Variants in CCPG1 observed in about 807,000 individuals in gnomAD.
CCPG1 encodes cell cycle progression protein 1.
CCPG1 carries 46 observed loss-of-function variants against 81.3 expected under a neutral mutation model. That is an observed-to-expected ratio of 0.57 (90% CI 0.45 to 0.72). The LOEUF is 0.72. Ranked by LOEUF, CCPG1 falls within the 30% of genes least tolerant of loss-of-function variation. The pLI is 0.00. For missense variants in CCPG1, 902 were observed against 937.6 expected (o/e 0.96, Z 0.50); for synonymous variants, 330 against 305.2 (o/e 1.08, Z -0.85).
At chr15:55,373,038 C>T (rs752749266) in intron 5 of CCPG1, 15 of 534,120 alleles carry the variant, frequency 2.8e-5, no homozygotes, top group Non-Finnish European at 4.2e-5. Flanking sequence ...CAGCTATCTC[C>T]GATATTAAGG....
chr15:55,387,830 G>C (rs1367806306), intron 2 of CCPG1, among the ~76,000 whole-genome samples: 6 of 146,224 alleles, frequency 4.1e-5, no homozygotes, highest in Admixed American at 2.0e-4. Flanking sequence ...ACAGGCGTGA[G>C]CACCACGCCC....
intron 1 of CCPG1, among the ~76,000 whole-genome samples, chr15:55,392,566 G>T (rs1322324458): frequency 6.6e-6 from 1 of 151,802 alleles, no homozygotes; most frequent in Non-Finnish European, 1.5e-5. Context: ...TGTCACCCAG[G>T]CTGGAGGGCA....
At chr15:55,400,231 C>G (rs1448249904) in intron 1 of CCPG1, among the ~76,000 whole-genome samples, 1 of 109,298 alleles carries the variant, frequency 9.1e-6, no homozygotes. Context: ...AAAAAAAAGG[C>G]CAGGGGTGGT....
At chr15:55,371,692 C>A (rs1034293483) in intron 6 of CCPG1, 101 bp downstream of exon 6, 24 of 1,219,442 alleles carry the variant, frequency 2.0e-5, no homozygotes, top group South Asian at 1.1e-4. Context: ...CAAGGCCACA[C>A]ATTTAATAAT....
At chr15:55,363,123 A>C (rs2056239593) in intron 7 of CCPG1, among the ~76,000 whole-genome samples, 1 of 151,998 alleles carries the variant, frequency 6.6e-6, no homozygotes, top group South Asian at 2.1e-4. Flanking sequence ...CGAGGCAGGC[A>C]GATTACCTGA....
Position 55,378,329 on chromosome 15 carries a change from C to T in CCPG1, c.223G>A (p.Ala75Thr), listed in dbSNP as rs376119446. 3.5e-4 allele frequency: 569 copies of T among 1,611,618 alleles called. No homozygotes were observed. Among genetic ancestry groups the T allele is most frequent in the Non-Finnish European group, 4.6e-4 (545 of 1,178,660 alleles). Residue 75 changes from alanine to threonine, a missense_variant, in exon 4 of 9, where the codon GCT becomes ACT. Coordinates refer to ENST00000442196, the MANE Select transcript of CCPG1 (RefSeq NM_001204450.2). Reference sequence around the variant, plus strand: ...ATTGTTGAGCTGGTTTCCTCCAAAGCTGGATAAGCAGTTTCTTCCATAAGC... The same window carrying T: ...ATTGTTGAGCTGGTTTCCTCCAAAGTTGGATAAGCAGTTTCTTCCATAAGC... ...TVLMEETAYP[A>T]LEETSSTIEA...
intron 1 of CCPG1, among the ~76,000 whole-genome samples, chr15:55,399,417 CAAAAAA>C (rs56191750): frequency 1.1e-4 from 7 of 63,144 alleles, no homozygotes; most frequent in African/African-American, 1.4e-4. Flanking sequence ...ACTAAAAATA[CAAAAAA>C]AAAAAAAAAA....
chr15:55,373,157 A>G (rs1038582401), intron 5 of CCPG1: 1 of 409,296 alleles, frequency 2.4e-6, no homozygotes, highest in African/African-American at 2.1e-5. Context: ...CCTGGAAAAA[A>G]TCACCTTCAG....
intron 6 of CCPG1, among the ~76,000 whole-genome samples, chr15:55,371,463 G>A (rs970673264): frequency 6.6e-6 from 1 of 152,136 alleles, no homozygotes; most frequent in African/African-American, 2.4e-5. Flanking sequence ...CTTCAACTTA[G>A]TTTAAGTGTG....
In CCPG1 at chr15:55,385,620, GCTTGAAGCTC is replaced by G. The variant is rs1294300586; in HGVS notation, c.145_154del (p.Glu49HisfsTer4). The stretch of plus-strand genomic sequence containing the variant: ...CTTACCTCCTTGCTCTATCTGCAAT[GCTTGAAGCTC>G]CTCTTGCTCTAAAGATGAACATTCT... On this transcript the variant is annotated frameshift_variant, in exon 3 of 9. Coordinates refer to ENST00000442196, the MANE Select transcript of CCPG1 (RefSeq NM_001204450.2). LOFTEE classifies it high-confidence loss of function. 42 of 1,599,120 alleles carry G rather than the reference GCTTGAAGCTC, an allele frequency of 2.6e-5. No homozygotes were observed. Among genetic ancestry groups the G allele is most frequent in the Non-Finnish European group, 3.3e-5 (39 of 1,170,630 alleles).
At chr15:55,359,339 C>T (rs887589993) in intron 8 of CCPG1, 200 bp downstream of exon 8, 14 of 1,312,308 alleles carry the variant, frequency 1.1e-5, no homozygotes, top group African/African-American at 1.5e-5. Context: ...AAAGTGATCA[C>T]GTTATAATGA....
intron 2 of CCPG1, among the ~76,000 whole-genome samples, chr15:55,387,733 C>G (rs113710454): frequency 0.18 from 26,556 of 150,866 alleles, 4,026 homozygotes; most frequent in African/African-American, 0.41. Context: ...TAGTAGAGAC[C>G]GGGTTTCTTC....
intron 6 of CCPG1, among the ~76,000 whole-genome samples, chr15:55,367,535 A>T (rs1295463587): frequency 6.6e-6 from 1 of 152,040 alleles, no homozygotes; most frequent in Non-Finnish European, 1.5e-5. Flanking sequence ...TCCTATTAAG[A>T]ATTCCAAGCT....
chr15:55,372,652 C>G (rs1200125106), intron 5 of CCPG1: 1 of 234,734 alleles, frequency 4.3e-6, no homozygotes, highest in Admixed American at 5.4e-5. Context: ...GAGCAAAACT[C>G]TGTCTCAAAA....
At chr15:55,372,084 T>C (rs1268628024) in intron 5 of CCPG1, 40 bp from the exon 6 acceptor site, 1 of 1,579,154 alleles carries the variant, frequency 6.3e-7, no homozygotes, top group Non-Finnish European at 8.6e-7. Flanking sequence ...TTCAAAATCT[T>C]GGAAAAGCTT....
chr15:55,367,621 GGA>G (rs2056358192), intron 6 of CCPG1, among the ~76,000 whole-genome samples: 2 of 7,370 alleles, frequency 2.7e-4, no homozygotes, highest in African/African-American at 3.7e-4. Context: ...TTTGTAGGGT[GGA>G]AAAAAAAAAA....
In CCPG1 at chr15:55,355,841, C is replaced by T. The variant is rs1223784636; in HGVS notation, c.*379G>A. ...AAATTCCAGAACAATGTACTTTTCT[C>T]AAGCTCTGCTGCAAATTTAACACAA... is the stretch of plus-strand genomic sequence containing the variant. On this transcript the variant is annotated 3_prime_UTR_variant, in exon 9 of 9. Coordinates refer to ENST00000442196, the MANE Select transcript of CCPG1 (RefSeq NM_001204450.2). 4.2e-6 allele frequency: 1 copy of T among 236,572 alleles called. No individual in the cohort carries two copies. The highest frequency in any genetic ancestry group is 8.0e-6 in the Non-Finnish European group (1 of 124,242). 14.7% of individuals were successfully genotyped at this position (236,572 alleles called of 1,614,324 possible).
intron 3 of CCPG1, among the ~76,000 whole-genome samples, chr15:55,384,586 C>T (rs867605014): frequency 6.6e-6 from 1 of 152,084 alleles, no homozygotes; most frequent in Non-Finnish European, 1.5e-5. Context: ...ACCCAAGAGG[C>T]AGAGGCTGCA....
At chr15:55,396,723 AG>A (rs937001449) in intron 1 of CCPG1, among the ~76,000 whole-genome samples, 34 of 152,216 alleles carry the variant, frequency 2.2e-4, no homozygotes. Flanking sequence ...AACGATGGTC[AG>A]GGCAAGCTTC....
Sources: allele counts gnomAD v4.1 joint callset (sites outside exome capture counted in the v4.1 genomes callset), GRCh38; gene constraint gnomAD v4.1.1; transcripts MANE v1.5; gene names NCBI Gene and HGNC (gene_info 2026-07-23, HGNC 2026-07-21).